Variants in C6orf163 observed in about 807,000 individuals in gnomAD.
The protein encoded by C6orf163 is chromosome 6 open reading frame 163.
A neutral mutation model predicts 28.4 loss-of-function variants in C6orf163; 22 were observed. The observed-to-expected ratio is 0.78, with a 90% CI of 0.55 to 1.11. C6orf163 has a LOEUF of 1.11. Among genes scored for constraint, C6orf163 ranks in the 50% least tolerant of loss-of-function variants. C6orf163 has a pLI of 0.00. For missense variants in C6orf163, 342 were observed against 389.1 expected (o/e 0.88, Z 1.02); for synonymous variants, 110 against 123.6 (o/e 0.89, Z 0.73).
intron 2 of C6orf163, among the ~76,000 whole-genome samples, chr6:87,350,165 A>G (rs1777389180): frequency 6.6e-6 from 1 of 152,204 alleles, no homozygotes; most frequent in Non-Finnish European, 1.5e-5. Context: ...GCGATTCCAA[A>G]AACAGCAAGG....
At chr6:87,353,717 G>A (rs1384949869) in intron 3 of C6orf163, among the ~76,000 whole-genome samples, 1 of 152,012 alleles carries the variant, frequency 6.6e-6, no homozygotes, top group Non-Finnish European at 1.5e-5. Context: ...TCCCCCTAAG[G>A]AGTTAAATAA....
Position 87,350,482 on chromosome 6 carries a change from A to G in C6orf163, c.332A>G (p.Glu111Gly), listed in dbSNP as rs1254636451. 3 of 1,529,034 alleles carry G rather than the reference A, an allele frequency of 2.0e-6. No individual in the cohort carries two copies. Among genetic ancestry groups the G allele is most frequent in the Non-Finnish European group, 2.6e-6 (3 of 1,139,944 alleles). 94.7% of individuals were successfully genotyped at this position (1,529,034 alleles called of 1,614,324 possible). The change falls in exon 3 of 5, where the codon GAA becomes GGA. Residue 111 changes from glutamate (E) to glycine (G), a missense_variant. Glu to Gly is a moderately conservative substitution (Grantham distance 98). Coordinates refer to ENST00000388923, the MANE Select transcript of C6orf163 (RefSeq NM_001010868.3). ...HKIEIQILKE[E>G]HQKDLQEVTA... ...ATTGAAATTCAGATTTTGAAAGAGG[A>G]ACATCAGAAAGATTTACAGGTTTTT...
At chr6:87,362,933 G>C (rs975721467) in intron 4 of C6orf163, among the ~76,000 whole-genome samples, 2 of 152,186 alleles carry the variant, frequency 1.3e-5, no homozygotes, top group African/African-American at 4.8e-5. Flanking sequence ...CACTGGAAAT[G>C]TATCACAGTG....
intron 2 of C6orf163, among the ~76,000 whole-genome samples, chr6:87,349,274 G>A (rs2127930518): frequency 6.6e-6 from 1 of 152,182 alleles, no homozygotes; most frequent in African/African-American, 2.4e-5. Flanking sequence ...AAAAAAAAAT[G>A]TCTAAGAAAA....
intron 3 of C6orf163, 77 bp from the exon 4 acceptor site, chr6:87,356,224 G>A (rs1330370459): frequency 2.6e-6 from 3 of 1,158,254 alleles, no homozygotes; most frequent in African/African-American, 1.5e-5. Flanking sequence ...ATAAAACTAT[G>A]GTTTAAATAG....
At chr6:87,347,476 T>G (rs532830831) in intron 1 of C6orf163, 7 of 985,316 alleles carry the variant, frequency 7.1e-6, no homozygotes, top group Non-Finnish European at 8.4e-6. Context: ...CTTAGTCACA[T>G]TTTGTCCTAG....
Position 87,356,348 on chromosome 6 carries a change from C to G in C6orf163, c.399C>G (p.Asp133Glu), listed in dbSNP as rs749300402. ...TKTEMYQNMDDEMKREHLAAE... is the reference protein window; with the variant it reads ...TKTEMYQNMDEEMKREHLAAE... ...CAGAGATGTATCAAAACATGGATGACGAAATGAAGAGAGAGCACTTGGCTG... is the reference window on the plus strand; with the variant it reads ...CAGAGATGTATCAAAACATGGATGAGGAAATGAAGAGAGAGCACTTGGCTG... The change falls in exon 4 of 5, where the codon GAC becomes GAG. Residue 133 changes from aspartate to glutamate, a missense_variant. By Grantham distance (45) the Asp-to-Glu change is conservative. Transcript: ENST00000388923. 6.4e-7 allele frequency: 1 copy of G among 1,551,432 alleles called. No homozygotes were observed. The highest frequency in any genetic ancestry group is 1.4e-5 in the African/African-American group (1 of 72,966).
intron 3 of C6orf163, among the ~76,000 whole-genome samples, chr6:87,355,472 G>A (rs777181495): frequency 5.9e-5 from 9 of 151,966 alleles, no homozygotes; most frequent in African/African-American, 9.7e-5. Flanking sequence ...GAGGTGGGAG[G>A]ACTGCCTGAG....
intron 4 of C6orf163, chr6:87,357,295 T>C (rs1412181323): frequency 2.6e-5 from 4 of 152,174 alleles, no homozygotes; most frequent in Non-Finnish European, 4.4e-5. Flanking sequence ...AGAAAAACCA[T>C]AATTTCCAGA....
chr6:87,360,743 C>T (rs1777568654), intron 4 of C6orf163, among the ~76,000 whole-genome samples: 1 of 152,176 alleles, frequency 6.6e-6, no homozygotes, highest in Non-Finnish European at 1.5e-5. Context: ...AATATAGCTG[C>T]TTTAAACTTG....
intron 1 of C6orf163, chr6:87,347,589 A>G (rs1256667301): frequency 1.0e-6 from 1 of 985,314 alleles, no homozygotes; most frequent in Non-Finnish European, 1.2e-6. Flanking sequence ...TCGCTGATGA[A>G]CTAGTAGGAG....
At chr6:87,359,528 G>A (rs1777551791) in intron 4 of C6orf163, among the ~76,000 whole-genome samples, 1 of 152,214 alleles carries the variant, frequency 6.6e-6, no homozygotes, top group Non-Finnish European at 1.5e-5. Context: ...AAACACAGTG[G>A]TTGTACCTGA....
At chr6:87,349,495 G>A (rs1395740369) in intron 2 of C6orf163, among the ~76,000 whole-genome samples, 1 of 152,128 alleles carries the variant, frequency 6.6e-6, no homozygotes, top group Non-Finnish European at 1.5e-5. Flanking sequence ...GGGATCCAAG[G>A]CATCAAACTG....
At chr6:87,346,941 G>C (rs1767115883) in intron 1 of C6orf163, among the ~76,000 whole-genome samples, 1 of 152,112 alleles carries the variant, frequency 6.6e-6, no homozygotes, top group African/African-American at 2.4e-5. Context: ...GTCAAAGCTG[G>C]AACACTGGCA....
intron 1 of C6orf163, 52 bp downstream of exon 1, chr6:87,345,299 T>C (rs960836391): frequency 3.5e-6 from 5 of 1,432,400 alleles, no homozygotes; most frequent in Middle Eastern, 1.8e-4. Context: ...GCCTTATGTG[T>C]CATTCTTTCT....
chr6:87,362,308 CT>C (rs1777591855), intron 4 of C6orf163, among the ~76,000 whole-genome samples: 1 of 152,130 alleles, frequency 6.6e-6, no homozygotes, highest in Non-Finnish European at 1.5e-5. Context: ...GAAACCCTGC[CT>C]CTACTAAAAA....
At chr6:87,359,684 T>A (rs186113306) in intron 4 of C6orf163, among the ~76,000 whole-genome samples, 2 of 152,264 alleles carry the variant, frequency 1.3e-5, no homozygotes, top group Non-Finnish European at 2.9e-5. Context: ...TTGTTAGATA[T>A]CAGATTATGT....
intron 4 of C6orf163, among the ~76,000 whole-genome samples, chr6:87,363,536 C>T (rs990224822): frequency 4.6e-5 from 7 of 151,834 alleles, no homozygotes; most frequent in African/African-American, 1.7e-4. Context: ...GTGATGTTCC[C>T]CTTCCTGTGT....
chr6:87,348,427 AGC>A, intron 1 of C6orf163: 1 of 993,320 alleles, frequency 1.0e-6, no homozygotes. Flanking sequence ...TCCTGATGCT[AGC>A]CCTAGCACCC....
Sources: gnomAD v4.1 joint callset for allele counts (sites outside exome capture counted in the v4.1 genomes callset) on GRCh38, gnomAD v4.1.1 for gene constraint, MANE v1.5 for transcripts, NCBI Gene and HGNC (gene_info 2026-07-23, HGNC 2026-07-21) for gene names.